BRI3BP: variants seen among roughly 807,000 people sequenced by gnomAD.
The protein encoded by BRI3BP is BRI3-binding protein.
BRI3BP carries 7 observed loss-of-function variants against 15.8 expected under a neutral mutation model. That is an observed-to-expected ratio of 0.44 (90% CI 0.25 to 0.83). BRI3BP has a LOEUF of 0.83. BRI3BP is among the 40% of genes least tolerant of loss of function. The pLI, the probability that BRI3BP is intolerant of heterozygous loss-of-function variation, is 0.20. For synonymous variants in BRI3BP, 192 were observed against 163.5 expected (o/e 1.17, Z -1.33); for missense variants, 320 against 339.3 (o/e 0.94, Z 0.45).
intron 2 of BRI3BP, among the ~76,000 whole-genome samples, chr12:125,015,481 C>T (rs1316980677): frequency 6.6e-6 from 1 of 152,136 alleles, no homozygotes; most frequent in Non-Finnish European, 1.5e-5. Context: ...TTCAGACTTC[C>T]AGCCTCCAGA....
At chr12:125,049,850 G>A in the BRI3BP span, among the ~76,000 whole-genome samples, 5 of 152,178 alleles carry the variant, frequency 3.3e-5, no homozygotes, top group African/African-American at 1.2e-4. Flanking sequence ...CGCCGCCCGG[G>A]CGTTGGGGTC....
Position 125,025,046 on chromosome 12 carries a change from C to T in BRI3BP, c.372C>T (p.Arg124=), listed in dbSNP as rs200282655. 4.3e-6 allele frequency: 7 copies of T among 1,613,344 alleles called. No individual in the cohort carries two copies. The highest frequency in any genetic ancestry group is 1.7e-5 in the Admixed American group (1 of 59,984). Residue 124 remains arginine (R), a synonymous_variant, in exon 3 of 3, where the codon CGC becomes CGT. Coordinates refer to ENST00000341446, the MANE Select transcript of BRI3BP (RefSeq NM_080626.6). ...CCTCGGTGTCCAGCAGCCCGGCCCG[C>T]GCGCTCCTGCTGGTCGGCGTCGTCC... The part of the protein sequence containing the change: ...SPASVSSSPA[R]ALLLVGVVLL...
the BRI3BP span, among the ~76,000 whole-genome samples, chr12:125,039,879 G>C: frequency 6.6e-6 from 1 of 152,170 alleles, no homozygotes; most frequent in African/African-American, 2.4e-5. Context: ...CGAGATGTGT[G>C]CTCTCCAAAC....
At chr12:125,048,816 G>T in the BRI3BP span, among the ~76,000 whole-genome samples, 97 of 152,122 alleles carry the variant, frequency 6.4e-4, no homozygotes, top group Admixed American at 1.6e-3. Flanking sequence ...AAATATCTCC[G>T]TTCTAGGAGC....
At chr12:125,038,023 T>G in the BRI3BP span, among the ~76,000 whole-genome samples, 28 of 152,264 alleles carry the variant, frequency 1.8e-4, no homozygotes, top group South Asian at 2.7e-3. Flanking sequence ...CCAGGCACGG[T>G]GGCTCATGCA....
At chr12:125,017,329 T>TA (rs61257298) in intron 2 of BRI3BP, among the ~76,000 whole-genome samples, 32,764 of 151,128 alleles carry the variant, frequency 0.22, 3,782 homozygotes, top group South Asian at 0.38. Context: ...CCTAATGTTT[T>TA]TTTTTTATAG....
At chr12:125,002,939 C>T (rs142070980) in intron 1 of BRI3BP, among the ~76,000 whole-genome samples, 12 of 152,314 alleles carry the variant, frequency 7.9e-5, no homozygotes, top group Non-Finnish European at 1.5e-4. Flanking sequence ...CGTTGGTTGA[C>T]GCTGAATTTG....
intron 1 of BRI3BP, among the ~76,000 whole-genome samples, chr12:125,008,361 G>T (rs1565903605): frequency 7.1e-6 from 1 of 140,530 alleles, no homozygotes; most frequent in African/African-American, 2.7e-5. Context: ...CGCCCAGGCT[G>T]GAGTGCAGTG....
downstream of BRI3BP, among the ~76,000 whole-genome samples, chr12:125,033,513 T>C (rs1268845306): frequency 6.6e-6 from 1 of 152,066 alleles, no homozygotes; most frequent in African/African-American, 2.4e-5. Flanking sequence ...TTTTCTTCCA[T>C]CCTTCCCCTC....
At chr12:125,036,605 A>T in the BRI3BP span, among the ~76,000 whole-genome samples, 1 of 152,220 alleles carries the variant, frequency 6.6e-6, no homozygotes, top group Non-Finnish European at 1.5e-5. Context: ...TGGGAGATTT[A>T]GTACTCAACA....
chr12:125,023,457 G>A (rs983478619), intron 2 of BRI3BP, among the ~76,000 whole-genome samples: 1 of 152,192 alleles, frequency 6.6e-6, no homozygotes, highest in African/African-American at 2.4e-5. Context: ...CTAGGTAGTT[G>A]TGTGCCCAGC....
intron 2 of BRI3BP, among the ~76,000 whole-genome samples, chr12:125,022,676 G>A (rs887476844): frequency 7.9e-5 from 12 of 152,018 alleles, no homozygotes; most frequent in South Asian, 2.1e-4. Flanking sequence ...ACAGGTGTGC[G>A]CCACCACGCC....
At chr12:125,048,708 ATAG>A in the BRI3BP span, among the ~76,000 whole-genome samples, 4 of 151,822 alleles carry the variant, frequency 2.6e-5, no homozygotes, top group African/African-American at 9.7e-5. Context: ...AATAATAATA[ATAG>A]TAAAAAATAA....
chr12:125,032,593 A>C (rs1469316747), downstream of BRI3BP, among the ~76,000 whole-genome samples: 1 of 152,190 alleles, frequency 6.6e-6, no homozygotes, highest in Non-Finnish European at 1.5e-5. Context: ...CATAGTGAGA[A>C]CTTGCCTCTA....
At chr12:125,033,739 G>A (rs113671453), downstream of BRI3BP, among the ~76,000 whole-genome samples, 1 of 132,944 alleles carries the variant, frequency 7.5e-6, no homozygotes, top group Non-Finnish European at 1.6e-5. Flanking sequence ...TGTTTTTCTG[G>A]TTTTTTTTTG....
At chr12:125,004,615 A>T (rs1955126780) in intron 1 of BRI3BP, among the ~76,000 whole-genome samples, 2 of 152,116 alleles carry the variant, frequency 1.3e-5, no homozygotes, top group African/African-American at 4.8e-5. Flanking sequence ...CCCATTATTA[A>T]CGTTGTATAT....
chr12:125,009,627 G>A (rs1433063307), intron 1 of BRI3BP, among the ~76,000 whole-genome samples: 1 of 145,834 alleles, frequency 6.9e-6, no homozygotes, highest in Admixed American at 6.8e-5. Flanking sequence ...GATGGGGGGG[G>A]GGTCTCATTT....
At chr12:125,047,564 C>T in the BRI3BP span, among the ~76,000 whole-genome samples, 7 of 151,240 alleles carry the variant, frequency 4.6e-5, no homozygotes, top group East Asian at 3.9e-4. Context: ...TTAGTAGAGA[C>T]GGGGTTTTGC....
chr12:125,040,651 T>C, the BRI3BP span, among the ~76,000 whole-genome samples: 1 of 151,974 alleles, frequency 6.6e-6, no homozygotes, highest in Admixed American at 6.6e-5. Context: ...CCTCAAAGTA[T>C]AGTTATTTTT....
Sources: allele counts gnomAD v4.1 joint callset (sites outside exome capture counted in the v4.1 genomes callset), GRCh38; gene constraint gnomAD v4.1.1; transcripts MANE v1.5; gene names NCBI Gene and HGNC (gene_info 2026-07-23, HGNC 2026-07-21).